NCKAP5: variants seen among roughly 807,000 people sequenced by gnomAD.
The protein encoded by NCKAP5 is nck-associated protein 5.
Under a neutral mutation model 167.0 loss-of-function variants are expected in NCKAP5, and 92 were observed. That is an observed-to-expected ratio of 0.55 (90% CI 0.47 to 0.66). The LOEUF (loss-of-function observed/expected upper bound fraction) is 0.66. Among genes scored for constraint, NCKAP5 ranks in the 30% least tolerant of loss-of-function variants. The pLI is 0.00. For synonymous variants in NCKAP5, 891 were observed against 877.4 expected (o/e 1.02, Z -0.27); for missense variants, 2,378 against 2,315.0 (o/e 1.03, Z -0.56).
chr2:132,798,659 T>C (rs1684792369), intron 11 of NCKAP5, among the ~76,000 whole-genome samples: 1 of 152,182 alleles, frequency 6.6e-6, no homozygotes, highest in Non-Finnish European at 1.5e-5. Context: ...TCAAGGCTGT[T>C]TCAGTGGCTT....
intron 3 of NCKAP5, among the ~76,000 whole-genome samples, chr2:133,304,797 G>T (rs1228966789): frequency 6.6e-6 from 1 of 152,230 alleles, no homozygotes; most frequent in Non-Finnish European, 1.5e-5. Flanking sequence ...GAAAGCCACT[G>T]CCCTCAAGGA....
At chr2:133,642,270 C>A in the NCKAP5 span, among the ~76,000 whole-genome samples, 1 of 152,114 alleles carries the variant, frequency 6.6e-6, no homozygotes, top group African/African-American at 2.4e-5. Context: ...ACAAACACCC[C>A]CCAGTAGGCA....
chr2:133,168,937 T>C (rs1053354354), intron 5 of NCKAP5, among the ~76,000 whole-genome samples: 4 of 152,170 alleles, frequency 2.6e-5, no homozygotes, highest in Admixed American at 6.5e-5. Flanking sequence ...CTAAACGCTG[T>C]ATCCCAAATG....
intron 11 of NCKAP5, among the ~76,000 whole-genome samples, chr2:132,813,122 G>C (rs1014989157): frequency 5.3e-5 from 8 of 152,218 alleles, no homozygotes; most frequent in African/African-American, 1.9e-4. Context: ...AATGTCCAGA[G>C]ACGAGAGAGA....
intron 19 of NCKAP5, among the ~76,000 whole-genome samples, chr2:132,680,924 A>G (rs970183727): frequency 2.0e-5 from 3 of 152,136 alleles, no homozygotes; most frequent in African/African-American, 4.8e-5. Context: ...TCCAGGGGGG[A>G]ACAGATCCAC....
intron 2 of NCKAP5, among the ~76,000 whole-genome samples, chr2:133,532,026 G>T (rs1430041467): frequency 6.6e-6 from 1 of 152,178 alleles, no homozygotes; most frequent in Non-Finnish European, 1.5e-5. Flanking sequence ...TTTCTACTGT[G>T]TATGCATAAA....
chr2:132,700,786 A>G (rs902343010), intron 19 of NCKAP5, among the ~76,000 whole-genome samples: 5 of 152,292 alleles, frequency 3.3e-5, no homozygotes, highest in Admixed American at 3.3e-4. Flanking sequence ...AAATTTTGAC[A>G]TTACTAATGA....
At chr2:133,183,434 A>G (rs1043543062) in intron 5 of NCKAP5, among the ~76,000 whole-genome samples, 3 of 152,050 alleles carry the variant, frequency 2.0e-5, no homozygotes, top group African/African-American at 7.2e-5. Context: ...GAGGGACATG[A>G]GAATGGAAAA....
At chr2:133,406,214 G>T (rs1688418153) in intron 3 of NCKAP5, among the ~76,000 whole-genome samples, 1 of 152,204 alleles carries the variant, frequency 6.6e-6, no homozygotes, top group South Asian at 2.1e-4. Context: ...GATACAGATT[G>T]CTATCCTCTT....
At chr2:132,806,487 T>C (rs1438263372) in intron 11 of NCKAP5, among the ~76,000 whole-genome samples, 1 of 152,152 alleles carries the variant, frequency 6.6e-6, no homozygotes, top group East Asian at 1.9e-4. Flanking sequence ...TGGTATTGCA[T>C]TGTGGTTTTG....
chr2:133,145,421 T>C (rs2083156018), intron 5 of NCKAP5, among the ~76,000 whole-genome samples: 1 of 152,018 alleles, frequency 6.6e-6, no homozygotes, highest in Non-Finnish European at 1.5e-5. Flanking sequence ...GATGGATTGA[T>C]GGGTGCAGCA....
the NCKAP5 span, among the ~76,000 whole-genome samples, chr2:133,618,989 GT>G: frequency 6.9e-6 from 1 of 145,898 alleles, no homozygotes. Flanking sequence ...ACAATGATGA[GT>G]TCATGTCCTT....
At chr2:133,621,142 T>C in the NCKAP5 span, among the ~76,000 whole-genome samples, 2 of 152,088 alleles carry the variant, frequency 1.3e-5, no homozygotes, top group African/African-American at 2.4e-5. Context: ...GAAAAGTTCC[T>C]AGGACTAAAT....
At chr2:133,074,942 C>A (rs575252157) in intron 6 of NCKAP5, among the ~76,000 whole-genome samples, 1 of 151,362 alleles carries the variant, frequency 6.6e-6, no homozygotes, top group African/African-American at 2.4e-5. Context: ...AAATGATAGC[C>A]GAATACCTTC....
intron 6 of NCKAP5, among the ~76,000 whole-genome samples, chr2:133,106,093 A>C (rs966019586): frequency 4.0e-5 from 6 of 151,716 alleles, no homozygotes; most frequent in African/African-American, 1.5e-4. Flanking sequence ...GGAGATGGAG[A>C]CCATCCTGGC....
intron 11 of NCKAP5, among the ~76,000 whole-genome samples, chr2:132,843,565 TCCC>T: frequency 1.2e-5 from 1 of 86,272 alleles, no homozygotes; most frequent in Non-Finnish European, 2.1e-5. Context: ...CATTCATTTT[TCCC>T]TTTTTTGTCA....
intron 5 of NCKAP5, among the ~76,000 whole-genome samples, chr2:133,160,410 T>A: frequency 7.1e-6 from 1 of 140,946 alleles, no homozygotes; most frequent in South Asian, 2.3e-4. Context: ...GTCACATTCT[T>A]TTTTTTTTTT....
intron 5 of NCKAP5, among the ~76,000 whole-genome samples, chr2:133,188,326 T>C (rs1268970486): frequency 2.0e-5 from 3 of 151,960 alleles, no homozygotes; most frequent in Admixed American, 6.6e-5. Context: ...TCCCACACAA[T>C]AATGATGGGA....
At position 133,285,654 on chromosome 2, in the gene NCKAP5, T is replaced by C. The variant is rs61736190; in HGVS notation, c.143+17383A>G. Among the ~76,000 whole-genome samples, 459 of 152,254 alleles carry C rather than the reference T, an allele frequency of 3.0e-3. 2 individuals carry two copies. The highest frequency in any genetic ancestry group is 0.01 in the African/African-American group (435 of 41,528). On this transcript the variant is annotated intron_variant, in intron 4 of 19. Coordinates refer to ENST00000409261, the MANE Select transcript of NCKAP5 (RefSeq NM_207363.3). ...AATGTCTTCCTTTATATAATGCACG[T>C]ATCACCATCACGATACGAGAGCAAC...
Sources: allele counts gnomAD v4.1 joint callset (sites outside exome capture counted in the v4.1 genomes callset), GRCh38; gene constraint gnomAD v4.1.1; transcripts MANE v1.5; gene names NCBI Gene and HGNC (gene_info 2026-07-23, HGNC 2026-07-21).